Variants in CBR4 observed in about 807,000 individuals in gnomAD.
The protein encoded by CBR4 is 3-oxoacyl-[acyl-carrier-protein] reductase.
A neutral mutation model predicts 21.0 loss-of-function variants in CBR4; 22 were observed. That is an observed-to-expected ratio of 1.05 (90% CI 0.75 to 1.50). The LOEUF (loss-of-function observed/expected upper bound fraction) is 1.50. Among genes scored for constraint, CBR4 ranks in the 40% most tolerant of loss-of-function variants. The pLI is 0.00. For synonymous variants in CBR4, 100 were observed against 104.4 expected, an observed-to-expected ratio of 0.96 and a Z score of 0.26; for missense variants, 302 against 286.3, an observed-to-expected ratio of 1.05 and a Z score of -0.40.
At chr4:168,962,879 T>C (rs886457511) in intron 2 of CBR4, among the ~76,000 whole-genome samples, 3 of 152,048 alleles carry the variant, frequency 2.0e-5, no homozygotes, top group Non-Finnish European at 2.9e-5. Flanking sequence ...TGAGATGTCA[T>C]AGAACCCAAG....
At chr4:168,912,742 A>C (rs1759243271) in intron 2 of CBR4, among the ~76,000 whole-genome samples, 1 of 152,120 alleles carries the variant, frequency 6.6e-6, no homozygotes. Context: ...CTCAAAATCC[A>C]CTCTTCCAGC....
intron 4 of CBR4, chr4:169,001,358 G>C (rs1488091029): frequency 1.3e-5 from 2 of 151,944 alleles, no homozygotes; most frequent in African/African-American, 4.8e-5. Flanking sequence ...TGTAACCTTA[G>C]GCAAGTCACT....
chr4:169,005,742 T>C (rs1334421525), intron 3 of CBR4: 2 of 476,796 alleles, frequency 4.2e-6, no homozygotes, highest in African/African-American at 4.1e-5. Flanking sequence ...CTTAAATTTT[T>C]AAGAGTAAAT....
At chr4:168,920,735 C>T (rs981691241) in intron 2 of CBR4, among the ~76,000 whole-genome samples, 14 of 152,128 alleles carry the variant, frequency 9.2e-5, no homozygotes, top group African/African-American at 3.4e-4. Context: ...TGGGTAATTT[C>T]GTATTGCTCT....
chr4:168,978,312 G>A (rs1369586776), intron 2 of CBR4, among the ~76,000 whole-genome samples: 1 of 152,188 alleles, frequency 6.6e-6, no homozygotes, highest in Non-Finnish European at 1.5e-5. Flanking sequence ...AAATATTTGG[G>A]GGAGGGGAGT....
chr4:168,922,928 G>A (rs960911428), intron 2 of CBR4, among the ~76,000 whole-genome samples: 93 of 152,164 alleles, frequency 6.1e-4, no homozygotes, highest in African/African-American at 2.1e-3. Flanking sequence ...CCCGGCTCTT[G>A]TCGATTTTAC....
At position 168,987,992 on chromosome 4, in the gene CBR4, C is replaced by T. The variant is rs1441652243; in HGVS notation, c.*2158G>A. Reference sequence around the variant, plus strand: ...GCTAAGCACAGAACCCTTATGGGCTCATAGGAGTCAGCAAACAGCTACAGA... The same window carrying T: ...GCTAAGCACAGAACCCTTATGGGCTTATAGGAGTCAGCAAACAGCTACAGA... On this transcript the variant is annotated 3_prime_UTR_variant, in exon 5 of 5. Transcript: ENST00000306193. 2.0e-6 allele frequency: 2 copies of T among 985,260 alleles called. No homozygotes were observed. Among genetic ancestry groups the T allele is most frequent in the African/African-American group, 3.5e-5 (2 of 57,220 alleles). The allele number at this position is 985,260 out of a possible 1,614,324, so 61.0% of individuals were successfully genotyped here.
At chr4:168,994,184 C>T (rs1765065566) in intron 4 of CBR4, among the ~76,000 whole-genome samples, 1 of 152,198 alleles carries the variant, frequency 6.6e-6, no homozygotes, top group Non-Finnish European at 1.5e-5. Context: ...AAAAGTATTC[C>T]TTACGGGAAA....
At chr4:168,894,996 C>T (rs113132683) in intron 2 of CBR4, among the ~76,000 whole-genome samples, 2 of 152,184 alleles carry the variant, frequency 1.3e-5, no homozygotes, top group Admixed American at 6.5e-5. Context: ...CACATTTTCG[C>T]CGACATTGTC....
chr4:168,966,400 G>T (rs976909706), intron 2 of CBR4, among the ~76,000 whole-genome samples: 2 of 148,360 alleles, frequency 1.3e-5, no homozygotes, highest in African/African-American at 5.0e-5. Flanking sequence ...GGTGGCAGAT[G>T]CCTGTAGTCC....
intron 3 of CBR4, chr4:169,005,207 CA>C (rs2126867338): frequency 6.6e-6 from 1 of 151,698 alleles, no homozygotes; most frequent in East Asian, 1.9e-4. Flanking sequence ...TACAGAGACA[CA>C]AAAAAAGAAA....
chr4:168,978,009 C>A (rs534516129), intron 2 of CBR4, among the ~76,000 whole-genome samples: 2 of 152,322 alleles, frequency 1.3e-5, no homozygotes, highest in East Asian at 3.9e-4. Flanking sequence ...TAGCCAGAAT[C>A]ATCTTTCCTA....
intron 2 of CBR4, among the ~76,000 whole-genome samples, chr4:168,933,653 G>T (rs965036075): frequency 6.6e-6 from 1 of 152,164 alleles, no homozygotes; most frequent in African/African-American, 2.4e-5. Flanking sequence ...CTGTACTACA[G>T]ACTAAATGGA....
chr4:168,934,117 T>C (rs575402872), intron 2 of CBR4, among the ~76,000 whole-genome samples: 2 of 151,880 alleles, frequency 1.3e-5, no homozygotes, highest in East Asian at 1.9e-4. Flanking sequence ...AAACTGGGCA[T>C]AGTGGTGCAC....
In CBR4 at chr4:168,918,944, C is replaced by T. The variant is rs75609376; in HGVS notation, n.170-24179G>A. 7.7e-3 allele frequency among the ~76,000 whole-genome samples: 1,172 copies of T among 151,996 alleles called. 9 individuals carry two copies. Among genetic ancestry groups the T allele is most frequent in the African/African-American group, 0.015 (638 of 41,462 alleles). On this transcript the variant is annotated intron_variant and non_coding_transcript_variant, in intron 2 of 3. Coordinates refer to the CBR4 transcript ENST00000509108. ...AATGGAATTGTGATTATGGAAAAGT[C>T]TTGTTTTTAGAAATGCATACTGAGC...
At chr4:168,901,658 G>C (rs916426831) in intron 2 of CBR4, among the ~76,000 whole-genome samples, 1 of 152,094 alleles carries the variant, frequency 6.6e-6, no homozygotes. Context: ...AGGAGTTTAA[G>C]AACAGCCTGG....
chr4:168,918,708 A>T (rs1760782487), intron 2 of CBR4, among the ~76,000 whole-genome samples: 1 of 152,204 alleles, frequency 6.6e-6, no homozygotes, highest in Admixed American at 6.5e-5. Context: ...AAATGAAGTC[A>T]TACATATGTT....
chr4:168,949,730 G>C (rs1763486360), intron 2 of CBR4, among the ~76,000 whole-genome samples: 1 of 152,074 alleles, frequency 6.6e-6, no homozygotes, highest in South Asian at 2.1e-4. Flanking sequence ...GAATTCTGCT[G>C]TGAATCTGTC....
intron 2 of CBR4, among the ~76,000 whole-genome samples, chr4:168,961,025 T>C (rs1346914391): frequency 6.6e-6 from 1 of 152,198 alleles, no homozygotes; most frequent in Non-Finnish European, 1.5e-5. Context: ...ACAGCCAACT[T>C]TAGAGCCTAG....
Sources: gnomAD v4.1 joint callset for allele counts (sites outside exome capture counted in the v4.1 genomes callset) on GRCh38, gnomAD v4.1.1 for gene constraint, MANE v1.5 for transcripts, NCBI Gene and HGNC (gene_info 2026-07-23, HGNC 2026-07-21) for gene names.